Variants in ZBTB44 observed in about 807,000 individuals in gnomAD.
ZBTB44 encodes the protein zinc finger and BTB domain-containing protein 44.
In ZBTB44, 15 loss-of-function variants were observed where a neutral mutation model predicts 54.0. The observed-to-expected ratio is 0.28, with a 90% CI of 0.19 to 0.43. The LOEUF (loss-of-function observed/expected upper bound fraction) is 0.43. Ranked by LOEUF, ZBTB44 falls within the 20% of genes least tolerant of loss-of-function variation. The probability of loss-of-function intolerance (pLI) is 1.00; values close to 1 mark genes in which losing one functional copy is unlikely to be tolerated. For synonymous variants in ZBTB44, 230 were observed against 250.1 expected (o/e 0.92, Z 0.76); for missense variants, 487 against 707.1 (o/e 0.69, Z 3.53).
intron 1 of ZBTB44, among the ~76,000 whole-genome samples, chr11:130,282,138 C>T (rs983831240): frequency 6.6e-6 from 1 of 152,154 alleles, no homozygotes; most frequent in African/African-American, 2.4e-5. Context: ...ATTTTTGTGG[C>T]AGAATATACA....
intron 1 of ZBTB44, among the ~76,000 whole-genome samples, chr11:130,267,231 A>G (rs766426613): frequency 2.0e-5 from 3 of 152,064 alleles, no homozygotes; most frequent in South Asian, 2.1e-4. Flanking sequence ...GCCACTGTAC[A>G]TCAACCTGGG....
At chr11:130,296,188 A>C (rs1565684071) in intron 1 of ZBTB44, 1 of 1,332,108 alleles carries the variant, frequency 7.5e-7, no homozygotes, top group Non-Finnish European at 1.1e-6. Context: ...TTTCTCTGAA[A>C]AAAGGAGCCA....
intron 1 of ZBTB44, chr11:130,296,027 T>C (rs569589221): frequency 5.7e-6 from 9 of 1,577,148 alleles, no homozygotes; most frequent in Non-Finnish European, 7.8e-6. Context: ...TATAAAAACC[T>C]GCAGTGTCTG....
At chr11:130,249,132 A>T (rs1010276902) in intron 2 of ZBTB44, among the ~76,000 whole-genome samples, 2 of 152,192 alleles carry the variant, frequency 1.3e-5, no homozygotes, top group Non-Finnish European at 2.9e-5. Context: ...CATAAAGGCA[A>T]AACCTGAACT....
chr11:130,243,648 C>A (rs182176523), intron 2 of ZBTB44, among the ~76,000 whole-genome samples: 50 of 152,274 alleles, frequency 3.3e-4, no homozygotes, highest in Admixed American at 1.9e-3. Flanking sequence ...CATGAGCATG[C>A]TTTTCTCCAC....
rs1403715700 is a variant in ZBTB44, at chr11:130,314,621, CGGGGAGGG to C, written c.-311_-304del. On this transcript the variant is annotated 5_prime_UTR_variant, in exon 1 of 8. Transcript: ENST00000357899. ...GCCCGCGAGTGGGAGTGCGAGGAGG[CGGGGAGGG>C]AAGCACCCCCAGCGCTCGGAGGGGC... 1.3e-5 allele frequency: 2 copies of C among 151,700 alleles called. No individual in the cohort carries two copies. Among genetic ancestry groups the C allele is most frequent in the African/African-American group, 4.9e-5 (2 of 41,236 alleles). The allele number at this position is 151,700 out of a possible 1,614,324, so 9.4% of individuals were successfully genotyped here.
intron 1 of ZBTB44, chr11:130,295,776 G>A: frequency 6.8e-7 from 1 of 1,470,080 alleles, no homozygotes; most frequent in Non-Finnish European, 9.5e-7. Flanking sequence ...AGAACTCATT[G>A]TTAAAATTCA....
chr11:130,295,845 A>T (rs968914129), intron 1 of ZBTB44: 3 of 1,400,556 alleles, frequency 2.1e-6, no homozygotes, highest in Non-Finnish European at 3.0e-6. Flanking sequence ...TAGCCATGCA[A>T]ATTTTTGGTG....
intron 1 of ZBTB44, among the ~76,000 whole-genome samples, chr11:130,311,812 T>C (rs1454243027): frequency 6.6e-6 from 1 of 152,106 alleles, no homozygotes. Flanking sequence ...AAGTATAAGA[T>C]AAACCCTGGA....
At chr11:130,310,282 T>C (rs1343602789) in intron 1 of ZBTB44, 3 of 152,320 alleles carry the variant, frequency 2.0e-5, no homozygotes, top group African/African-American at 2.4e-5. Flanking sequence ...CCTATGCCGA[T>C]TGGGTGTCTG....
chr11:130,281,801 TTCGCCGTG>T (rs1262230192), intron 1 of ZBTB44, among the ~76,000 whole-genome samples: 1 of 120,364 alleles, frequency 8.3e-6, no homozygotes, highest in Non-Finnish European at 1.8e-5. Context: ...TCGCCGGGGT[TTCGCCGTG>T]TTAGCCAGGA....
intron 2 of ZBTB44, among the ~76,000 whole-genome samples, chr11:130,254,755 G>C (rs1174322554): frequency 6.6e-6 from 1 of 152,086 alleles, no homozygotes; most frequent in Non-Finnish European, 1.5e-5. Context: ...AAATCATGCT[G>C]CTATAAAGAC....
intron 1 of ZBTB44, among the ~76,000 whole-genome samples, chr11:130,306,332 A>C (rs569479565): frequency 6.6e-6 from 1 of 151,976 alleles, no homozygotes; most frequent in South Asian, 2.1e-4. Context: ...GAGAAAACCC[A>C]CCTCTCCTAA....
intron 1 of ZBTB44, among the ~76,000 whole-genome samples, chr11:130,297,661 G>A (rs1454153598): frequency 6.6e-6 from 1 of 152,114 alleles, no homozygotes; most frequent in Admixed American, 6.5e-5. Context: ...ACAAGCCAAG[G>A]CACTACCAGA....
chr11:130,250,568 C>T (rs1937918545), intron 2 of ZBTB44, among the ~76,000 whole-genome samples: 1 of 152,156 alleles, frequency 6.6e-6, no homozygotes, highest in South Asian at 2.1e-4. Flanking sequence ...TGGGATGAAG[C>T]ATCCAGAGGA....
Position 130,229,406 on chromosome 11 carries a change from G to C in ZBTB44, c.*2358C>G, listed in dbSNP as rs1953794473. On this transcript the variant is annotated 3_prime_UTR_variant, in exon 8 of 8. Transcript: ENST00000357899. ...AAAATGAAACATCCAGAGAGCGACT[G>C]TTCTTAGTTGAGCCTGGGATTGAAT... 1 of 152,140 alleles carries C rather than the reference G, an allele frequency of 6.6e-6. No individual in the cohort carries two copies. The highest frequency in any genetic ancestry group is 2.4e-5 in the African/African-American group (1 of 41,434). 9.4% of individuals were successfully genotyped at this position (152,140 alleles called of 1,614,324 possible). A position where few individuals can be genotyped will look rare whatever the true frequency, so the allele number is the denominator to read the frequency against.
intron 2 of ZBTB44, among the ~76,000 whole-genome samples, chr11:130,252,619 AACTC>A (rs534451297): frequency 9.5e-4 from 144 of 152,244 alleles, no homozygotes; most frequent in African/African-American, 3.2e-3. Context: ...AGGATTAAGA[AACTC>A]ACTCTATCAG....
intron 1 of ZBTB44, among the ~76,000 whole-genome samples, chr11:130,282,877 T>C (rs1383326835): frequency 1.3e-5 from 2 of 152,094 alleles, no homozygotes; most frequent in Admixed American, 6.5e-5. Flanking sequence ...GGGGTCTCGC[T>C]ATGCTACCCA....
At chr11:130,310,607 CAT>C (rs1349679368) in intron 1 of ZBTB44, 2 of 152,124 alleles carry the variant, frequency 1.3e-5, no homozygotes, top group African/African-American at 4.8e-5. Context: ...CTTCACATAA[CAT>C]AATTTGTCTA....
Sources: gnomAD v4.1 joint callset for allele counts (sites outside exome capture counted in the v4.1 genomes callset) on GRCh38, gnomAD v4.1.1 for gene constraint, MANE v1.5 for transcripts, NCBI Gene and HGNC (gene_info 2026-07-23, HGNC 2026-07-21) for gene names.